ACRV1: variants seen among roughly 807,000 people sequenced by gnomAD.
ACRV1 encodes acrosomal protein SP-10.
A neutral mutation model predicts 29.2 loss-of-function variants in ACRV1; 17 were observed. That is an observed-to-expected ratio of 0.58 (90% CI 0.40 to 0.87). The LOEUF is 0.87. Ranked by LOEUF, ACRV1 falls within the 40% of genes least tolerant of loss-of-function variation. The pLI is 0.00. For synonymous variants in ACRV1, 98 were observed against 111.6 expected (o/e 0.88, Z 0.77); for missense variants, 294 against 316.0 (o/e 0.93, Z 0.53).
At position 125,677,919 on chromosome 11, in the gene ACRV1, G is replaced by A. The variant is rs2134125717; in HGVS notation, c.431C>T (p.Pro144Leu). Reference protein sequence around the residue: ...ESGEQPSDEQPSGEHGSGEQP... With the variant: ...ESGEQPSDEQLSGEHGSGEQP... Reference sequence around the variant, plus strand: ...TTCACCGGAGCCATGTTCACCTGAAGGCTGTTCATCTGAAGGCTGTTCACC... The same window carrying A: ...TTCACCGGAGCCATGTTCACCTGAAAGCTGTTCATCTGAAGGCTGTTCACC... Residue 144 changes from proline to leucine, a missense_variant, in exon 2 of 4, where the codon CCT becomes CTT. By Grantham distance (98) the Pro-to-Leu change is moderately conservative. Coordinates refer to ENST00000533904, the MANE Select transcript of ACRV1 (RefSeq NM_001612.6). 6.2e-7 allele frequency: 1 copy of A among 1,614,054 alleles called. No homozygotes were observed. The highest frequency in any genetic ancestry group is 1.3e-5 in the African/African-American group (1 of 75,030).
rs1555078664 is a variant in ACRV1 at position 125,678,978 on chromosome 11, T to TTTTATATATATATATATATATATATATA, written c.53-682_53-681insTATATATATATATATATATATATATAAA. Among the ~76,000 whole-genome samples, 9 of 88,440 alleles carry TTTTATATATATATATATATATATATATA rather than the reference T, an allele frequency of 1.0e-4. No individual in the cohort carries two copies. In the East Asian group the frequency reaches 1.2e-3, roughly 12 times the overall value. 58.0% of individuals were successfully genotyped at this position (88,440 alleles called of 152,430 possible). ...GTAAAAAAAAAAAAGTCTAGGCATA[T>TTTTATATATATATATATATATATATATA]TATATATATATATATATATAGACAC... On this transcript the variant is annotated intron_variant, in intron 1 of 3. Transcript: ENST00000533904.
intron 1 of ACRV1, among the ~76,000 whole-genome samples, chr11:125,680,196 G>A (rs768054026): frequency 5.3e-5 from 8 of 152,218 alleles, no homozygotes; most frequent in African/African-American, 1.7e-4. Context: ...TAGGAGGCAG[G>A]AGGGAACACA....
chr11:125,672,453 G>A lies in ACRV1; in HGVS notation c.*140C>T. The A allele has an allele frequency of 1.1e-6, 1 of 923,926 alleles. No homozygotes were observed. The highest frequency in any genetic ancestry group is 1.6e-6 in the Non-Finnish European group (1 of 610,494). The allele number at this position is 923,926 out of a possible 1,614,324, so 57.2% of individuals were successfully genotyped here. ...AGCATGAATAGAAGAAGAAAGATAG[G>A]ATGTTTGAGCATCCTAATGCTCAGG... On this transcript the variant is annotated 3_prime_UTR_variant, in exon 4 of 4. Transcript: ENST00000533904.
chr11:125,672,274 G>A lies in ACRV1; in HGVS notation c.*319C>T. 4.2e-6 allele frequency: 1 copy of A among 235,360 alleles called. No homozygotes were observed. 14.6% of individuals were successfully genotyped at this position (235,360 alleles called of 1,614,324 possible). Reference sequence around the variant, plus strand: ...CAGTTTAGTGTCGGTGTGGAAGGAAGCTCATGTTGACCCTGCAACTAGATT... The same window carrying A: ...CAGTTTAGTGTCGGTGTGGAAGGAAACTCATGTTGACCCTGCAACTAGATT... On this transcript the variant is annotated 3_prime_UTR_variant, in exon 4 of 4. Coordinates refer to ENST00000533904, the MANE Select transcript of ACRV1 (RefSeq NM_001612.6).
At chr11:125,675,742 T>A (rs539796211) in intron 3 of ACRV1, among the ~76,000 whole-genome samples, 4 of 152,136 alleles carry the variant, frequency 2.6e-5, no homozygotes, top group Admixed American at 2.6e-4. Flanking sequence ...AATATATAGC[T>A]ATAGCTTACA....
At chr11:125,679,226 T>TTTTTTTTTTTTTTTTTTTTTTG (rs1382524633) in intron 1 of ACRV1, among the ~76,000 whole-genome samples, 1 of 145,582 alleles carries the variant, frequency 6.9e-6, no homozygotes, top group South Asian at 2.2e-4. Context: ...CTTTTTTTTT[T>TTTTTTTTTTTTTTTTTTTTTTG]TTTGTTTCAA....
Position 125,676,476 on chromosome 11 carries a change from T to C in ACRV1, c.556A>G (p.Thr186Ala), listed in dbSNP as rs140375874. 3.5e-5 allele frequency: 57 copies of C among 1,614,050 alleles called. No individual in the cohort carries two copies. The highest frequency in any genetic ancestry group is 4.5e-5 in the Non-Finnish European group (53 of 1,180,010). ...GAPISSTSTG[T>A]ILNCYTCAYM... is the part of the protein sequence containing the mutation. Reference sequence around the variant, plus strand: ...GCACATGTGTAGCAATTTAATATTGTGCCTGAAAATTTAAGATAAGCCTGA... The same window carrying C: ...GCACATGTGTAGCAATTTAATATTGCGCCTGAAAATTTAAGATAAGCCTGA... Residue 186 changes from threonine to alanine, a missense_variant and splice_region_variant, in exon 3 of 4, where the codon ACA (threonine) becomes GCA (alanine). Physicochemically the swap from Thr to Ala is moderately conservative, Grantham distance 58 (BLOSUM62 0). Coordinates refer to ENST00000533904, the MANE Select transcript of ACRV1 (RefSeq NM_001612.6).
At chr11:125,675,202 C>G (rs1406438120) in intron 3 of ACRV1, among the ~76,000 whole-genome samples, 3 of 152,132 alleles carry the variant, frequency 2.0e-5, no homozygotes, top group African/African-American at 4.8e-5. Context: ...AACTCCTGGC[C>G]CAAATCGTAA....
At position 125,680,804 on chromosome 11, in the gene ACRV1, C is replaced by G. The variant is rs957731321; in HGVS notation, c.-24G>C. The stretch of plus-strand genomic sequence containing the variant: ...ATCTGGATTTAGGAAAAGAGGGGAC[C>G]CCAGTGTGGGCCACAGCTTCTTCAC... On this transcript the variant is annotated 5_prime_UTR_variant, in exon 1 of 4. Transcript: ENST00000533904. The G allele has an allele frequency of 6.2e-7, 1 of 1,607,516 alleles. No homozygotes were observed. Among genetic ancestry groups the G allele is most frequent in the South Asian group, 1.1e-5 (1 of 90,818 alleles).
rs1255614681 is a variant in ACRV1, at chr11:125,678,248, A to C, written c.102T>G (p.Thr34=). The change falls in exon 2 of 4, where the codon ACT becomes ACG. Residue 34 remains threonine, a synonymous_variant. Coordinates refer to ENST00000533904, the MANE Select transcript of ACRV1 (RefSeq NM_001612.6). The part of the protein sequence containing the change: ...NELSGSIDHQ[T]SVQQLPGEFF... ...ACTCACCTGGAAGTTGCTGAACTGA[A>C]GTTTGATGATCTATGGAGCCAGAAA... The C allele has an allele frequency of 5.6e-6, 9 of 1,614,176 alleles. No individual in the cohort carries two copies. The highest frequency in any genetic ancestry group is 7.6e-6 in the Non-Finnish European group (9 of 1,180,028).
At chr11:125,679,513 T>C (rs1050542933) in intron 1 of ACRV1, among the ~76,000 whole-genome samples, 6 of 151,826 alleles carry the variant, frequency 4.0e-5, no homozygotes, top group Non-Finnish European at 5.9e-5. Flanking sequence ...CCACTGTGTC[T>C]GGCCAATCCA....
rs756376286 is a variant in ACRV1 at position 125,678,228 on chromosome 11, C to G, written c.122G>C (p.Gly41Ala). ...AGGGTTTTCAAGTGAAAAGAACTCACCTGGAAGTTGCTGAACTGAAGTTTG... is the reference window on the plus strand; with the variant it reads ...AGGGTTTTCAAGTGAAAAGAACTCAGCTGGAAGTTGCTGAACTGAAGTTTG... ...DHQTSVQQLPGEFFSLENPSD... is the reference protein window; with the variant it reads ...DHQTSVQQLPAEFFSLENPSD... The change falls in exon 2 of 4, where the codon GGT becomes GCT. Residue 41 changes from glycine to alanine, a missense_variant. Gly to Ala is a moderately conservative substitution (Grantham distance 60, BLOSUM62 0). Transcript: ENST00000533904. 6.2e-7 allele frequency: 1 copy of G among 1,614,124 alleles called. No individual in the cohort carries two copies. Among genetic ancestry groups the G allele is most frequent in the East Asian group, 2.2e-5 (1 of 44,870 alleles).
At chr11:125,674,929 G>A (rs1001861672) in intron 3 of ACRV1, among the ~76,000 whole-genome samples, 1 of 152,200 alleles carries the variant, frequency 6.6e-6, no homozygotes, top group East Asian at 1.9e-4. Context: ...AAAACTCTTT[G>A]CTCTTTTTCC....
At chr11:125,677,225 C>G (rs1942553842) in intron 2 of ACRV1, among the ~76,000 whole-genome samples, 1 of 152,210 alleles carries the variant, frequency 6.6e-6, no homozygotes, top group Non-Finnish European at 1.5e-5. Flanking sequence ...CTGGTAATAA[C>G]TTGAGGCATC....
intron 1 of ACRV1, among the ~76,000 whole-genome samples, chr11:125,680,154 G>A (rs556884): frequency 0.91 from 137,940 of 152,250 alleles, 62,635 homozygotes; most frequent in African/African-American, 0.97. Context: ...TTTTTTCACT[G>A]AAAGCTCAGA....
chr11:125,675,412 T>TAGG (rs1371791396), intron 3 of ACRV1, among the ~76,000 whole-genome samples: 1 of 152,352 alleles, frequency 6.6e-6, no homozygotes, highest in African/African-American at 2.4e-5. Context: ...CATCTTTCTG[T>TAGG]AGTTCATGGT....
Position 125,676,494 on chromosome 11 carries a change from A to G in ACRV1, c.554-16T>C. 2 of 1,613,952 alleles carry G rather than the reference A, an allele frequency of 1.2e-6. No homozygotes were observed. The highest frequency in any genetic ancestry group is 1.7e-6 in the Non-Finnish European group (2 of 1,179,890). On this transcript the variant is annotated splice_polypyrimidine_tract_variant and intron_variant, in intron 2 of 3. Transcript: ENST00000533904. ...AATATTGTGCCTGAAAATTTAAGAT[A>G]AGCCTGATGACATTTCCTTGTGGAC...
At chr11:125,677,700 T>C (rs529481042) in intron 2 of ACRV1, 97 bp downstream of exon 2, 1 of 1,502,498 alleles carries the variant, frequency 6.7e-7, no homozygotes, top group South Asian at 1.3e-5. Context: ...TTAACAATTC[T>C]TTCTTCTGCA....
At chr11:125,679,655 C>G (rs1942706676) in intron 1 of ACRV1, among the ~76,000 whole-genome samples, 1 of 152,132 alleles carries the variant, frequency 6.6e-6, no homozygotes, top group South Asian at 2.1e-4. Flanking sequence ...ACTACAACAA[C>G]CAAGTTATTT....
Sources: allele counts gnomAD v4.1 joint callset (sites outside exome capture counted in the v4.1 genomes callset), GRCh38; gene constraint gnomAD v4.1.1; transcripts MANE v1.5; gene names NCBI Gene and HGNC (gene_info 2026-07-23, HGNC 2026-07-21).